Variants in AKAP11 observed in about 807,000 individuals in gnomAD.
AKAP11 encodes A-kinase anchor protein 11.
In AKAP11, 36 loss-of-function variants were observed where a neutral mutation model predicts 146.1. The ratio of observed to expected loss-of-function variants is 0.25; its 90% CI spans 0.19 to 0.33. AKAP11 has a LOEUF of 0.33. AKAP11 is among the 10% of genes least tolerant of loss of function. The probability of loss-of-function intolerance (pLI) is 1.00; values close to 1 mark genes in which losing one functional copy is unlikely to be tolerated. For missense variants in AKAP11, 2,201 were observed against 2,197.0 expected, an observed-to-expected ratio of 1.00 and a Z score of -0.04; for synonymous variants, 780 against 786.5, an observed-to-expected ratio of 0.99 and a Z score of 0.14.
intron 8 of AKAP11, among the ~76,000 whole-genome samples, chr13:42,305,135 T>C (rs1382826139): frequency 2.6e-5 from 4 of 152,222 alleles, no homozygotes; most frequent in Non-Finnish European, 5.9e-5. Context: ...CAGGACCAAC[T>C]TGTGTTATTA....
intron 1 of AKAP11, among the ~76,000 whole-genome samples, chr13:42,273,288 G>A (rs988769406): frequency 4.6e-5 from 7 of 151,454 alleles, no homozygotes; most frequent in African/African-American, 1.7e-4. Context: ...TTTTTTTAAT[G>A]TCATCATTTT....
Position 42,301,617 on chromosome 13 carries a change from G to C in AKAP11, c.2871G>C (p.Val957=). Reference sequence around the variant, plus strand: ...ATTCCATAGATAAGAGCAAATCAGTGATCCCAAATATAGATAAAAATGCAG... The same window carrying C: ...ATTCCATAGATAAGAGCAAATCAGTCATCCCAAATATAGATAAAAATGCAG... ...IKHSIDKSKS[V]IPNIDKNAVY... is the part of the protein sequence containing the mutation. Residue 957 remains valine (V), a synonymous_variant, in exon 8 of 13, where the codon GTG becomes GTC. Transcript: ENST00000025301. The C allele has an allele frequency of 6.2e-7, 1 of 1,614,048 alleles. No individual in the cohort carries two copies.
At chr13:42,305,136 T>C (rs1486219376) in intron 8 of AKAP11, among the ~76,000 whole-genome samples, 1 of 152,206 alleles carries the variant, frequency 6.6e-6, no homozygotes, top group Non-Finnish European at 1.5e-5. Context: ...AGGACCAACT[T>C]GTGTTATTAG....
At chr13:42,298,913 C>T in intron 7 of AKAP11, 116 bp downstream of exon 7, 2 of 1,101,988 alleles carry the variant, frequency 1.8e-6, no homozygotes, top group African/African-American at 1.6e-5. Context: ...TCAATTTAAA[C>T]CTTTTAACTT....
At chr13:42,295,826 GAAGGTTGC>G in intron 5 of AKAP11, 84 bp downstream of exon 5, 1 of 1,310,832 alleles carries the variant, frequency 7.6e-7, no homozygotes, top group Non-Finnish European at 1.1e-6. Flanking sequence ...ATTTATCTGA[GAAGGTTGC>G]AAACCGCAGA....
At chr13:42,278,854 G>A (rs531565767) in intron 1 of AKAP11, among the ~76,000 whole-genome samples, 8 of 151,576 alleles carry the variant, frequency 5.3e-5, no homozygotes, top group Admixed American at 4.6e-4. Context: ...GAATTTTCAC[G>A]GCCCTTATTC....
At chr13:42,295,821 T>A in intron 5 of AKAP11, 79 bp downstream of exon 5, 1 of 1,358,346 alleles carries the variant, frequency 7.4e-7, no homozygotes, top group East Asian at 2.3e-5. Flanking sequence ...AAGTCATTTA[T>A]CTGAGAAGGT....
intron 6 of AKAP11, among the ~76,000 whole-genome samples, chr13:42,297,526 A>T (rs112187528): frequency 2.6e-5 from 4 of 152,040 alleles, no homozygotes; most frequent in African/African-American, 9.6e-5. Flanking sequence ...GCCAATTTCA[A>T]ATTTATATAA....
In AKAP11 at chr13:42,302,920, A is replaced by G. The variant is rs142968555; in HGVS notation, c.4174A>G (p.Asn1392Asp). The G allele has an allele frequency of 7.4e-6, 12 of 1,613,890 alleles. No individual in the cohort carries two copies. Among genetic ancestry groups the G allele is most frequent in the African/African-American group, 4.0e-5 (3 of 74,936 alleles). The change falls in exon 8 of 13, where the codon AAC becomes GAC. Residue 1392 changes from asparagine to aspartate, a missense_variant. Transcript: ENST00000025301. ...EAAKTTKVQC[N>D]SRMFPVPSSQ... ...AGCTAAGACAACCAAAGTGCAGTGCAACTCAAGAATGTTCCCTGTGCCAAG... is the reference window on the plus strand; with the variant it reads ...AGCTAAGACAACCAAAGTGCAGTGCGACTCAAGAATGTTCCCTGTGCCAAG...
At position 42,286,375 on chromosome 13, in the gene AKAP11, G is replaced by A. The variant is rs150549828; in HGVS notation, c.27G>A (p.Met9Ile). 23 of 1,601,430 alleles carry A rather than the reference G, an allele frequency of 1.4e-5. No homozygotes were observed. Among genetic ancestry groups the A allele is most frequent in the Non-Finnish European group, 2.0e-5 (23 of 1,175,072 alleles). ...TGGCGACTTTCAGAAACAATCACAT[G>A]AAGACTAAAGCATCTGTCAGAAAAG... The part of the protein sequence containing the change: MATFRNNH[M>I]KTKASVRKSF... The change falls in exon 3 of 13, where the codon ATG becomes ATA. Residue 9 changes from methionine (M) to isoleucine (I), a missense_variant. Physicochemically the swap from Met to Ile is conservative, Grantham distance 10 (BLOSUM62 1). Transcript: ENST00000025301.
At position 42,292,410 on chromosome 13, in the gene AKAP11, C is replaced by T; in HGVS notation, c.77C>T (p.Ser26Phe). 2 of 1,583,364 alleles carry T rather than the reference C, an allele frequency of 1.3e-6. No homozygotes were observed. The highest frequency in any genetic ancestry group is 1.7e-6 in the Non-Finnish European group (2 of 1,158,698). ...AGCTTCAGTGAAGATGTGTTCCAGT[C>T]TGTAAAGTCTTTATTGCAGAGTCAG... ...RKSFSEDVFQ[S>F]VKSLLQSQKE... The change falls in exon 4 of 13, where the codon TCT becomes TTT. Residue 26 changes from serine to phenylalanine, a missense_variant. Around this residue, in one of 3 missense-constraint regions of AKAP11, gnomAD observed 331 missense variants for 347.4 expected, o/e 0.95. Coordinates refer to ENST00000025301, the MANE Select transcript of AKAP11 (RefSeq NM_016248.4).
chr13:42,293,036 AATTT>A (rs1203265451), intron 4 of AKAP11, among the ~76,000 whole-genome samples: 1 of 152,190 alleles, frequency 6.6e-6, no homozygotes, highest in African/African-American at 2.4e-5. Flanking sequence ...TCTTTGTTTG[AATTT>A]ATTATTATAA....
At chr13:42,281,456 G>A (rs1314071879) in intron 1 of AKAP11, among the ~76,000 whole-genome samples, 1 of 152,130 alleles carries the variant, frequency 6.6e-6, no homozygotes, top group Non-Finnish European at 1.5e-5. Flanking sequence ...TTGTTGACAG[G>A]CGCTTCACAG....
chr13:42,295,582 C>CG (rs1959461830), intron 4 of AKAP11, 113 bp from the exon 5 acceptor site: 2 of 910,688 alleles, frequency 2.2e-6, no homozygotes, highest in South Asian at 1.5e-5. Context: ...AAATCCTTTT[C>CG]AAGCAGACAG....
intron 4 of AKAP11, among the ~76,000 whole-genome samples, chr13:42,293,904 G>A (rs185022671): frequency 2.0e-5 from 3 of 152,296 alleles, no homozygotes; most frequent in East Asian, 3.9e-4. Context: ...TTGCCTATCT[G>A]TTATTGAGTG....
intron 8 of AKAP11, among the ~76,000 whole-genome samples, chr13:42,305,616 G>T (rs1374262337): frequency 6.6e-6 from 1 of 151,990 alleles, no homozygotes; most frequent in Non-Finnish European, 1.5e-5. Flanking sequence ...AGTTTTATTG[G>T]GACACCACCA....
intron 3 of AKAP11, among the ~76,000 whole-genome samples, chr13:42,289,754 G>A (rs1959191884): frequency 6.6e-6 from 1 of 152,022 alleles, no homozygotes; most frequent in Admixed American, 6.6e-5. Flanking sequence ...TATATTGACA[G>A]TTCACGTTCA....
Position 42,300,624 on chromosome 13 carries a change from T to C in AKAP11, c.1878T>C (p.Asn626=). The C allele has an allele frequency of 6.2e-7, 1 of 1,614,090 alleles. No individual in the cohort carries two copies. Among genetic ancestry groups the C allele is most frequent in the Non-Finnish European group, 8.5e-7 (1 of 1,179,944 alleles). Residue 626 remains asparagine, a synonymous_variant, in exon 8 of 13, where the codon AAT becomes AAC. Coordinates refer to ENST00000025301, the MANE Select transcript of AKAP11 (RefSeq NM_016248.4). ...TTTTGGTGAGTGAAGCTTTATCAAA[T>C]GCCTTAAAAGATTTACAGTATGTAA... ...ANFLVSEALS[N]ALKDLQYVKK...
intron 8 of AKAP11, among the ~76,000 whole-genome samples, chr13:42,307,146 AAAAC>A (rs1960302372): frequency 2.0e-5 from 3 of 152,222 alleles, no homozygotes. Context: ...AGTATTCAAA[AAAAC>A]AAAGTAGTAA....
Sources: gnomAD v4.1 joint callset for allele counts (sites outside exome capture counted in the v4.1 genomes callset) on GRCh38, gnomAD v4.1.1 for gene constraint, gnomAD v4.1.1 regional missense constraint, MANE v1.5 for transcripts, NCBI Gene and HGNC (gene_info 2026-07-23, HGNC 2026-07-21) for gene names.